Variants in MTBP observed in about 807,000 individuals in gnomAD.
The protein encoded by MTBP is MDM2 binding protein.
A neutral mutation model predicts 117.0 loss-of-function variants in MTBP; 101 were observed. The observed-to-expected ratio is 0.86, with a 90% CI of 0.73 to 1.02. MTBP has a LOEUF of 1.02. Ranked by LOEUF, MTBP falls within the 50% of genes least tolerant of loss-of-function variation. The pLI, the probability that MTBP is intolerant of heterozygous loss-of-function variation, is 0.00. For synonymous variants in MTBP, 350 were observed against 351.5 expected (o/e 1.00, Z 0.05); for missense variants, 970 against 1,030.9 (o/e 0.94, Z 0.81).
chr8:120,465,655 C>CTTTTTT (rs10663319), intron 10 of MTBP, among the ~76,000 whole-genome samples: 28 of 101,674 alleles, frequency 2.8e-4, no homozygotes, highest in Non-Finnish European at 4.4e-4. Flanking sequence ...CTTATAGAGA[C>CTTTTTT]TTTTTTTTTT....
chr8:120,496,688 G>C (rs565662392), intron 13 of MTBP, among the ~76,000 whole-genome samples: 1 of 145,174 alleles, frequency 6.9e-6, no homozygotes, highest in Admixed American at 7.1e-5. Flanking sequence ...CTATCTTTTC[G>C]TATACCTGAT....
In MTBP at chr8:120,445,554, G is replaced by C; in HGVS notation, c.84G>C (p.Glu28Asp). 6.2e-7 allele frequency: 1 copy of C among 1,613,234 alleles called. No individual in the cohort carries two copies. The highest frequency in any genetic ancestry group is 8.5e-7 in the Non-Finnish European group (1 of 1,179,688). ...GTAGGGAGGCAGAACATGGGCCAGA[G>C]GTGTCGTCGGGTGAGGGTACTGAGA... is the stretch of plus-strand genomic sequence containing the variant. ...AASREAEHGP[E>D]VSSGEGTENQ... The change falls in exon 1 of 22, where the codon GAG (glutamate) becomes GAC (aspartate). Residue 28 changes from glutamate to aspartate, a missense_variant. Coordinates refer to ENST00000305949, the MANE Select transcript of MTBP (RefSeq NM_022045.5).
At chr8:120,491,489 A>G (rs1019572812) in intron 13 of MTBP, among the ~76,000 whole-genome samples, 1 of 152,116 alleles carries the variant, frequency 6.6e-6, no homozygotes, top group Non-Finnish European at 1.5e-5. Context: ...CACGAAAATG[A>G]TGTTTGCTCA....
At chr8:120,498,406 T>G (rs147729406) in intron 14 of MTBP, among the ~76,000 whole-genome samples, 3 of 152,286 alleles carry the variant, frequency 2.0e-5, no homozygotes, top group African/African-American at 7.2e-5. Flanking sequence ...GGAGACATTT[T>G]TAGATTACTT....
intron 15 of MTBP, among the ~76,000 whole-genome samples, chr8:120,505,605 T>C (rs1286852974): frequency 6.6e-6 from 1 of 152,220 alleles, no homozygotes; most frequent in African/African-American, 2.4e-5. Flanking sequence ...AATCATGTAA[T>C]TATCAGTAAT....
At chr8:120,452,967 A>G (rs1308948224) in intron 4 of MTBP, 1 of 152,186 alleles carries the variant, frequency 6.6e-6, no homozygotes, top group African/African-American at 2.4e-5. Flanking sequence ...GGTTTATAGT[A>G]AAGGATTTAA....
chr8:120,475,130 C>T (rs960650002), intron 11 of MTBP, among the ~76,000 whole-genome samples: 2 of 151,528 alleles, frequency 1.3e-5, no homozygotes, highest in Non-Finnish European at 3.0e-5. Context: ...CCCCAGATAG[C>T]CATATGACTA....
intron 18 of MTBP, among the ~76,000 whole-genome samples, chr8:120,517,200 G>T (rs1189979947): frequency 1.3e-5 from 2 of 152,006 alleles, no homozygotes; most frequent in African/African-American, 4.8e-5. Flanking sequence ...ATTGAAGTAT[G>T]AACCAGTTTT....
In MTBP at chr8:120,497,559, G is replaced by A. The variant is rs371336348; in HGVS notation, c.1609+5G>A. On this transcript the variant is annotated splice_donor_5th_base_variant and intron_variant, in intron 14 of 21. Transcript: ENST00000305949. ...AAACCTTCAATATATTAAATGGTAA[G>A]TTTTTTATTACTTTAAATTTTAGTT... The A allele has an allele frequency of 3.3e-4, 468 of 1,417,034 alleles. No homozygotes were observed. The highest frequency in any genetic ancestry group is 3.6e-4 in the Non-Finnish European group (379 of 1,047,510). 87.8% of individuals were successfully genotyped at this position (1,417,034 alleles called of 1,614,324 possible).
At chr8:120,456,881 G>A (rs976644159) in intron 7 of MTBP, among the ~76,000 whole-genome samples, 1 of 152,106 alleles carries the variant, frequency 6.6e-6, no homozygotes, top group Non-Finnish European at 1.5e-5. Flanking sequence ...TATGTGAGTA[G>A]TTCCACCAAT....
chr8:120,512,899 A>G (rs567133730), intron 17 of MTBP, among the ~76,000 whole-genome samples: 11 of 152,224 alleles, frequency 7.2e-5, no homozygotes, highest in African/African-American at 2.4e-4. Context: ...GTAACATTTT[A>G]AAGTAAATAT....
chr8:120,491,936 C>T (rs981377337), intron 13 of MTBP, among the ~76,000 whole-genome samples: 14 of 152,216 alleles, frequency 9.2e-5, no homozygotes, highest in African/African-American at 2.9e-4. Context: ...AACTAGGTTG[C>T]TGCCTAGAGG....
chr8:120,490,467 TC>T lies in MTBP; in HGVS notation c.1346del (p.Pro449LeufsTer22). 6.3e-7 allele frequency: 1 copy of T among 1,594,812 alleles called. No individual in the cohort carries two copies. Among genetic ancestry groups the T allele is most frequent in the Non-Finnish European group, 8.6e-7 (1 of 1,169,050 alleles). ...TKTEEAKLSF[P>X]FDLLSLPHFS... Reference sequence around the variant, plus strand: ...TTTTTTTTTCTTATTTCTCAGGTTTTCCTTTTGACTTATTATCACTTCCACA... The same window carrying T: ...TTTTTTTTTCTTATTTCTCAGGTTTTCTTTTGACTTATTATCACTTCCACA... On this transcript the variant is annotated frameshift_variant, in exon 13 of 22. Transcript: ENST00000305949. LOFTEE classifies it high-confidence loss of function.
chr8:120,447,405 T>A (rs2130500486), intron 2 of MTBP, among the ~76,000 whole-genome samples: 1 of 152,280 alleles, frequency 6.6e-6, no homozygotes, highest in South Asian at 2.1e-4. Flanking sequence ...ATAATTTTAG[T>A]CAATACCACT....
At chr8:120,493,495 AT>A (rs201484057) in intron 13 of MTBP, among the ~76,000 whole-genome samples, 45,918 of 149,182 alleles carry the variant, frequency 0.31, 8,249 homozygotes, top group African/African-American at 0.51. Context: ...TATATATATA[AT>A]TTTTTTTTTT....
At chr8:120,446,409 G>A (rs753774183) in intron 1 of MTBP, 24 bp from the exon 2 acceptor site, 3 of 1,460,356 alleles carry the variant, frequency 2.1e-6, no homozygotes, top group Non-Finnish European at 2.9e-6. Flanking sequence ...AGCCCTTTGA[G>A]TTAGTCTATC....
rs746484427 is a variant in MTBP, at chr8:120,463,696, T to C, written c.982T>C (p.Leu328=). 10 of 1,610,202 alleles carry C rather than the reference T, an allele frequency of 6.2e-6. No homozygotes were observed. The highest frequency in any genetic ancestry group is 8.5e-6 in the Non-Finnish European group (10 of 1,177,454). Residue 328 remains leucine, a synonymous_variant, in exon 10 of 22, where the codon TTG becomes CTG. Transcript: ENST00000305949. ...YMSDIEFELG[L]TNSTKQNSVL... is the part of the protein sequence containing the mutation. ...TTCTTTAACTCCTTAGTACAGAGGA[T>C]TGACAAACAGTACCAAACAGAATTC...
chr8:120,480,705 G>T (rs1382251650), intron 11 of MTBP, among the ~76,000 whole-genome samples: 1 of 151,960 alleles, frequency 6.6e-6, no homozygotes, highest in East Asian at 1.9e-4. Flanking sequence ...ATTTATATAT[G>T]TATTTAGACT....
intron 4 of MTBP, 26 bp from the exon 5 acceptor site, chr8:120,453,821 T>A: frequency 3.0e-6 from 4 of 1,348,420 alleles, no homozygotes; most frequent in Non-Finnish European, 4.1e-6. Flanking sequence ...GGGGTTTTCT[T>A]TCCCTAACTT....
Sources: allele counts gnomAD v4.1 joint callset (sites outside exome capture counted in the v4.1 genomes callset), GRCh38; gene constraint gnomAD v4.1.1; transcripts MANE v1.5; gene names NCBI Gene and HGNC (gene_info 2026-07-23, HGNC 2026-07-21).